The following NELL1 variants were observed in gnomAD, a reference collection of about 807,000 sequenced individuals.
The protein encoded by NELL1 is neural EGFL like 1.
Under a neutral mutation model 107.4 loss-of-function variants are expected in NELL1, and 76 were observed. The observed-to-expected ratio is 0.71, with a 90% CI of 0.59 to 0.86. The LOEUF (loss-of-function observed/expected upper bound fraction) is 0.86. Among genes scored for constraint, NELL1 ranks in the 40% least tolerant of loss-of-function variants. The probability of loss-of-function intolerance (pLI) is 0.00; values close to 1 mark genes in which losing one functional copy is unlikely to be tolerated. For synonymous variants in NELL1, 353 were observed against 341.2 expected, an observed-to-expected ratio of 1.03 and a Z score of -0.38; for missense variants, 1,024 against 1,005.5, an observed-to-expected ratio of 1.02 and a Z score of -0.25.
intron 5 of NELL1, among the ~76,000 whole-genome samples, chr11:20,911,529 C>T (rs1337552202): frequency 1.3e-5 from 2 of 152,196 alleles, no homozygotes; most frequent in East Asian, 1.9e-4. Flanking sequence ...CCCTGTGTTT[C>T]CACAGTTACC....
At chr11:20,705,808 C>A (rs983269694) in intron 2 of NELL1, among the ~76,000 whole-genome samples, 23 of 151,460 alleles carry the variant, frequency 1.5e-4, no homozygotes, top group African/African-American at 5.6e-4. Context: ...TGAACGCCAA[C>A]AAATTTACAA....
chr11:20,807,987 C>T (rs11606547), intron 3 of NELL1, among the ~76,000 whole-genome samples: 34,195 of 152,080 alleles, frequency 0.22, 4,228 homozygotes, highest in African/African-American at 0.3. Flanking sequence ...GAAATGCCAT[C>T]TAAGAGCCAC....
intron 13 of NELL1, among the ~76,000 whole-genome samples, chr11:21,155,872 T>A (rs950010386): frequency 6.6e-6 from 1 of 152,096 alleles, no homozygotes; most frequent in Non-Finnish European, 1.5e-5. Flanking sequence ...GAGAATACCT[T>A]TAGGTGAAGA....
chr11:21,447,195 A>C (rs1487319239), intron 15 of NELL1, among the ~76,000 whole-genome samples: 1 of 152,106 alleles, frequency 6.6e-6, no homozygotes, highest in East Asian at 1.9e-4. Flanking sequence ...GGCCCAGGGA[A>C]TGTCCGGAAA....
intron 2 of NELL1, among the ~76,000 whole-genome samples, chr11:20,703,106 G>C (rs541641180): frequency 6.6e-6 from 1 of 152,274 alleles, no homozygotes; most frequent in African/African-American, 2.4e-5. Context: ...ACCTCTGTTA[G>C]AATTCAGCTG....
At chr11:20,774,126 C>T (rs1344052770) in intron 2 of NELL1, among the ~76,000 whole-genome samples, 4 of 58,266 alleles carry the variant, frequency 6.9e-5, no homozygotes, top group African/African-American at 3.0e-4. Flanking sequence ...TTCTCCCTCC[C>T]TCCCTCCGTC....
At chr11:21,044,425 G>A (rs892853907) in intron 12 of NELL1, among the ~76,000 whole-genome samples, 4 of 152,152 alleles carry the variant, frequency 2.6e-5, no homozygotes, top group East Asian at 1.9e-4. Context: ...GTTAAGCAAC[G>A]CATTTGAGAA....
chr11:21,204,802 C>A (rs61217700), intron 13 of NELL1, among the ~76,000 whole-genome samples: 3 of 151,944 alleles, frequency 2.0e-5, no homozygotes, highest in Admixed American at 6.6e-5. Context: ...GGTTTCTGAG[C>A]GACGTCATTT....
intron 4 of NELL1, among the ~76,000 whole-genome samples, chr11:20,856,655 T>G (rs928181255): frequency 2.6e-5 from 4 of 152,220 alleles, no homozygotes; most frequent in African/African-American, 4.8e-5. Flanking sequence ...ATATCTGCTT[T>G]CCAGGTCTGA....
At chr11:21,358,617 A>G (rs894180160) in intron 14 of NELL1, among the ~76,000 whole-genome samples, 2 of 119,540 alleles carry the variant, frequency 1.7e-5, no homozygotes, top group Non-Finnish European at 3.3e-5. Flanking sequence ...GGGTTTTGCC[A>G]TATTGGTCAG....
intron 1 of NELL1, among the ~76,000 whole-genome samples, chr11:20,675,964 GC>G (rs893935990): frequency 2.0e-5 from 3 of 151,912 alleles, no homozygotes; most frequent in Non-Finnish European, 4.4e-5. Context: ...GCCCAGGCTG[GC>G]CTCAAACTCC....
At chr11:20,854,830 A>G (rs1848852798) in intron 4 of NELL1, among the ~76,000 whole-genome samples, 1 of 152,222 alleles carries the variant, frequency 6.6e-6, no homozygotes. Flanking sequence ...TGAAAGACAT[A>G]CATCCTCTGA....
chr11:20,952,054 A>T (rs1851079275), intron 11 of NELL1, among the ~76,000 whole-genome samples: 1 of 51,806 alleles, frequency 1.9e-5, no homozygotes, highest in African/African-American at 6.1e-5. Flanking sequence ...CAGTTAAAGG[A>T]TGAAAAAAAA....
At chr11:21,007,161 G>C (rs1852344834) in intron 12 of NELL1, among the ~76,000 whole-genome samples, 1 of 152,090 alleles carries the variant, frequency 6.6e-6, no homozygotes, top group African/African-American at 2.4e-5. Flanking sequence ...GGAGACAAGA[G>C]AAAGCAGTCA....
intron 12 of NELL1, 145 bp downstream of exon 12, chr11:20,960,705 C>A: frequency 1.1e-6 from 1 of 942,522 alleles, no homozygotes; most frequent in South Asian, 1.8e-5. Context: ...TGAGGGTTCT[C>A]TGTTCTCCTG....
At chr11:21,510,766 A>G (rs1025924684) in intron 15 of NELL1, among the ~76,000 whole-genome samples, 28 of 152,084 alleles carry the variant, frequency 1.8e-4, no homozygotes, top group African/African-American at 6.8e-4. Context: ...TCTGTGCATG[A>G]TCTTCTTCTA....
chr11:21,300,671 G>A (rs1366565531), intron 14 of NELL1, among the ~76,000 whole-genome samples: 1 of 151,954 alleles, frequency 6.6e-6, no homozygotes, highest in Non-Finnish European at 1.5e-5. Flanking sequence ...GGGAAGGTGA[G>A]AAATAATGAC....
intron 15 of NELL1, among the ~76,000 whole-genome samples, chr11:21,403,165 G>T (rs566930950): frequency 1.6e-4 from 25 of 151,814 alleles, no homozygotes; most frequent in African/African-American, 5.6e-4. Flanking sequence ...CCTATGCAGA[G>T]CCCCTATTTT....
chr11:20,944,888 T>G lies in NELL1; in HGVS notation c.1072-2448T>G, dbSNP rs187305956. Reference sequence around the variant, plus strand: ...CTGATTTAATCAGCGAAGCAAACCCTTTTTATAAAAATAGAAGATTTGTGA... The same window carrying G: ...CTGATTTAATCAGCGAAGCAAACCCGTTTTATAAAAATAGAAGATTTGTGA... On this transcript the variant is annotated intron_variant, in intron 10 of 19. Coordinates refer to ENST00000357134, the MANE Select transcript of NELL1 (RefSeq NM_006157.5). Among the ~76,000 whole-genome samples, 227 of 152,336 alleles carry G rather than the reference T, an allele frequency of 1.5e-3. 1 individual carries two copies. The highest frequency in any genetic ancestry group is 5.2e-3 in the African/African-American group (218 of 41,576).
Sources: gnomAD v4.1 joint callset for allele counts (sites outside exome capture counted in the v4.1 genomes callset) on GRCh38, gnomAD v4.1.1 for gene constraint, MANE v1.5 for transcripts, NCBI Gene and HGNC (gene_info 2026-07-23, HGNC 2026-07-21) for gene names.